The following GSE1 variants were observed in gnomAD, a reference collection of about 807,000 sequenced individuals.
GSE1 encodes genetic suppressor element 1.
A neutral mutation model predicts 112.6 loss-of-function variants in GSE1; 32 were observed. The observed-to-expected ratio is 0.28, with a 90% CI of 0.21 to 0.38. GSE1 has a LOEUF of 0.38. GSE1 is among the 10% of genes least tolerant of loss of function. The pLI is 1.00. For synonymous variants in GSE1, 1,115 were observed against 735.6 expected (o/e 1.52, Z -8.35); for missense variants, 2,348 against 1,699.2 (o/e 1.38, Z -6.71).
intron 2 of GSE1, among the ~76,000 whole-genome samples, chr16:85,422,236 C>G (rs1020454601): frequency 2.0e-5 from 3 of 152,202 alleles, no homozygotes; most frequent in Non-Finnish European, 2.9e-5. Flanking sequence ...GCATCAGACA[C>G]AATCCCGTTG....
chr16:85,611,609 C>A, upstream of GSE1: 1 of 492,160 alleles, frequency 2.0e-6, no homozygotes, highest in Non-Finnish European at 2.6e-6. Context: ...GAGCCTTGTG[C>A]AAGGCGGGGG....
At chr16:85,480,335 G>A (rs543185607) in intron 2 of GSE1, among the ~76,000 whole-genome samples, 2 of 152,244 alleles carry the variant, frequency 1.3e-5, no homozygotes, top group Non-Finnish European at 2.9e-5. Flanking sequence ...GTTTTCCTGG[G>A]CGACGTCTTC....
intron 2 of GSE1, among the ~76,000 whole-genome samples, chr16:85,546,814 C>A (rs541238250): frequency 1.4e-4 from 21 of 152,334 alleles, no homozygotes; most frequent in Non-Finnish European, 2.5e-4. Flanking sequence ...GGATTCTTGT[C>A]GTTACTGTCA....
At chr16:85,266,545 C>G (rs748546222) in intron 1 of GSE1, among the ~76,000 whole-genome samples, 22 of 152,144 alleles carry the variant, frequency 1.4e-4, no homozygotes, top group Non-Finnish European at 2.8e-4. Context: ...AAGGCTGAGG[C>G]TGATGGGTCT....
intron 1 of GSE1, among the ~76,000 whole-genome samples, chr16:85,297,192 C>T (rs1216146343): frequency 1.3e-5 from 2 of 152,238 alleles, no homozygotes; most frequent in Non-Finnish European, 2.9e-5. Flanking sequence ...TTCCCTCCCT[C>T]CAGAGGGCGC....
chr16:85,348,869 C>G (rs536466972), intron 1 of GSE1, among the ~76,000 whole-genome samples: 4 of 152,200 alleles, frequency 2.6e-5, no homozygotes, highest in African/African-American at 9.6e-5. Context: ...CTGTTGTCCT[C>G]CCTCCCTCCA....
At chr16:85,501,387 C>CTTT (rs748089415) in intron 2 of GSE1, among the ~76,000 whole-genome samples, 2 of 129,518 alleles carry the variant, frequency 1.5e-5, no homozygotes, top group Admixed American at 8.0e-5. Context: ...AGGACTTCAC[C>CTTT]TTTTTTTTTT....
intron 1 of GSE1, among the ~76,000 whole-genome samples, chr16:85,281,615 A>G (rs963724777): frequency 2.6e-5 from 4 of 152,162 alleles, no homozygotes; most frequent in African/African-American, 4.8e-5. Flanking sequence ...ACGATATGCA[A>G]TGCTCCAGAA....
At chr16:85,355,151 C>G (rs986800449) in intron 1 of GSE1, among the ~76,000 whole-genome samples, 1 of 152,162 alleles carries the variant, frequency 6.6e-6, no homozygotes, top group Non-Finnish European at 1.5e-5. Context: ...CTGGTGGGGC[C>G]TGCGCTTGCC....
rs372293227 is a variant in GSE1, at chr16:85,400,916, C to T, written c.2464+43273C>T. Reference sequence around the variant, plus strand: ...GTGGGTCTGTGTGTCTGTGTGTGTGCGGAAGGGGTCATAATGGAGACCTAG... The same window carrying T: ...GTGGGTCTGTGTGTCTGTGTGTGTGTGGAAGGGGTCATAATGGAGACCTAG... On this transcript the variant is annotated intron_variant, in intron 2 of 2. Transcript: ENST00000637419. Among the ~76,000 whole-genome samples the T allele has an allele frequency of 5.3e-5, 8 of 151,978 alleles. No homozygotes were observed. The East Asian group carries it at 7.7e-4, about 15-fold the overall frequency.
At chr16:85,262,222 C>T (rs1907770717) in intron 1 of GSE1, among the ~76,000 whole-genome samples, 1 of 152,224 alleles carries the variant, frequency 6.6e-6, no homozygotes, top group African/African-American at 2.4e-5. Context: ...ATCCCCCTTT[C>T]CTCAGAGAGT....
intron 2 of GSE1, among the ~76,000 whole-genome samples, chr16:85,357,892 G>C (rs1309635529): frequency 2.0e-5 from 3 of 152,006 alleles, no homozygotes; most frequent in Non-Finnish European, 4.4e-5. Context: ...TGGGCTCCTG[G>C]GCTGCCTTTG....
intron 1 of GSE1, among the ~76,000 whole-genome samples, chr16:85,327,927 A>T (rs113376673): frequency 0.025 from 3,862 of 152,114 alleles, 157 homozygotes; most frequent in African/African-American, 0.088. Context: ...AGGGGGGCGG[A>T]TGGCTCATCC....
intron 1 of GSE1, among the ~76,000 whole-genome samples, chr16:85,247,060 G>C (rs1426762129): frequency 6.6e-6 from 1 of 152,132 alleles, no homozygotes; most frequent in Non-Finnish European, 1.5e-5. Context: ...CCACCCCCCA[G>C]GGCTGCTGCT....
At chr16:85,385,711 G>A (rs1454935183) in intron 2 of GSE1, among the ~76,000 whole-genome samples, 2 of 152,218 alleles carry the variant, frequency 1.3e-5, no homozygotes, top group African/African-American at 2.4e-5. Context: ...CCGCTCTCGC[G>A]AGGCAGCCGG....
intron 1 of GSE1, among the ~76,000 whole-genome samples, chr16:85,598,102 A>G (rs1329880942): frequency 6.6e-6 from 1 of 151,956 alleles, no homozygotes; most frequent in Non-Finnish European, 1.5e-5. Flanking sequence ...CCCATCTGCA[A>G]AAATCAGTGT....
intron 1 of GSE1, among the ~76,000 whole-genome samples, chr16:85,294,008 G>A (rs1047609958): frequency 2.6e-5 from 4 of 152,166 alleles, no homozygotes; most frequent in African/African-American, 9.7e-5. Context: ...GCTTCGAGGC[G>A]CCCTCTGTGC....
At chr16:85,310,080 C>T (rs2045794220) in intron 1 of GSE1, among the ~76,000 whole-genome samples, 1 of 152,248 alleles carries the variant, frequency 6.6e-6, no homozygotes, top group Non-Finnish European at 1.5e-5. Context: ...AGCCACTTAG[C>T]ACGGCCTCAC....
At chr16:85,551,047 G>A (rs565506744), upstream of GSE1, among the ~76,000 whole-genome samples, 102 of 152,264 alleles carry the variant, frequency 6.7e-4, 1 homozygote, top group African/African-American at 2.3e-3. Context: ...AGGGAGGTGC[G>A]GGGTGAGTTT....
Sources: gnomAD v4.1 joint callset for allele counts (sites outside exome capture counted in the v4.1 genomes callset) on GRCh38, gnomAD v4.1.1 for gene constraint, MANE v1.5 for transcripts, NCBI Gene and HGNC (gene_info 2026-07-23, HGNC 2026-07-21) for gene names.